The following SPRED1 variants were observed in gnomAD, a reference collection of about 807,000 sequenced individuals.
SPRED1 encodes the protein sprouty related EVH1 domain containing 1.
SPRED1 carries 18 observed loss-of-function variants against 52.3 expected under a neutral mutation model. The ratio of observed to expected loss-of-function variants is 0.34; its 90% CI spans 0.24 to 0.51. The LOEUF (loss-of-function observed/expected upper bound fraction) is 0.51, where lower values mean the gene tolerates loss of function less well. Among genes scored for constraint, SPRED1 ranks in the 20% least tolerant of loss-of-function variants. The pLI is 0.97. For missense variants in SPRED1, 485 were observed against 551.0 expected, an observed-to-expected ratio of 0.88 and a Z score of 1.20; for synonymous variants, 155 against 179.7, an observed-to-expected ratio of 0.86 and a Z score of 1.10.
chr15:38,258,352 C>T (rs1433073264), intron 1 of SPRED1, among the ~76,000 whole-genome samples: 1 of 151,958 alleles, frequency 6.6e-6, no homozygotes, highest in Non-Finnish European at 1.5e-5. Context: ...TTTCTTAAGT[C>T]GTTAAATATT....
intron 1 of SPRED1, among the ~76,000 whole-genome samples, chr15:38,295,923 TTGG>T (rs56146046): frequency 0.83 from 125,219 of 151,752 alleles, 52,417 homozygotes; most frequent in Non-Finnish European, 0.9. Context: ...ATCTGCCTTC[TTGG>T]TGGAGAGAAA....
At chr15:38,285,317 A>C (rs1165173304) in intron 1 of SPRED1, among the ~76,000 whole-genome samples, 2 of 152,242 alleles carry the variant, frequency 1.3e-5, no homozygotes, top group Non-Finnish European at 2.9e-5. Flanking sequence ...ATCACAGAAG[A>C]TAACAATGAA....
At chr15:38,334,411 G>T (rs148329759) in intron 4 of SPRED1, among the ~76,000 whole-genome samples, 1 of 151,870 alleles carries the variant, frequency 6.6e-6, no homozygotes, top group Admixed American at 6.6e-5. Context: ...AAATGTACAC[G>T]TTCTATTATT....
At chr15:38,300,854 C>G (rs750808985) in intron 2 of SPRED1, among the ~76,000 whole-genome samples, 7 of 152,168 alleles carry the variant, frequency 4.6e-5, no homozygotes, top group East Asian at 3.9e-4. Context: ...CTGGAGACAT[C>G]TAAGAAGGCG....
At chr15:38,267,152 T>C (rs1302555283) in intron 1 of SPRED1, among the ~76,000 whole-genome samples, 1 of 152,200 alleles carries the variant, frequency 6.6e-6, no homozygotes, top group Non-Finnish European at 1.5e-5. Flanking sequence ...CTTGTGTACA[T>C]ACACATATTA....
chr15:38,317,515 C>A (rs1317430522), intron 2 of SPRED1, among the ~76,000 whole-genome samples: 1 of 151,920 alleles, frequency 6.6e-6, no homozygotes, highest in Non-Finnish European at 1.5e-5. Flanking sequence ...TTATGCCAAT[C>A]TCAAATATGG....
chr15:38,305,336 A>G (rs1895230701), intron 2 of SPRED1, among the ~76,000 whole-genome samples: 1 of 70,038 alleles, frequency 1.4e-5, no homozygotes, highest in African/African-American at 3.7e-5. Context: ...GTCAAAAAAT[A>G]AAAAACAAAA....
In SPRED1 at chr15:38,312,297, T is replaced by A. The variant is rs189884716; in HGVS notation, c.208-9944T>A. Among the ~76,000 whole-genome samples, 676 of 152,194 alleles carry A rather than the reference T, an allele frequency of 4.4e-3. 3 individuals are homozygous for A. The highest frequency in any genetic ancestry group is 0.015 in the African/African-American group (629 of 41,556). ...TGAGCCCATCTCCAAATTATAGAAA[T>A]CCAGTGAGAGAAAAGAGAATTGCCT... On this transcript the variant is annotated intron_variant, in intron 2 of 6. Transcript: ENST00000299084.
At chr15:38,264,958 G>C (rs535615993) in intron 1 of SPRED1, among the ~76,000 whole-genome samples, 1 of 152,266 alleles carries the variant, frequency 6.6e-6, no homozygotes, top group Non-Finnish European at 1.5e-5. Flanking sequence ...AGAACTTTAC[G>C]TTTTTATGAG....
chr15:38,253,089 C>T lies in SPRED1; in HGVS notation c.-97C>T, dbSNP rs909953073. On this transcript the variant is annotated 5_prime_UTR_variant, in exon 1 of 7. Transcript: ENST00000299084. ...GCCCCTGTGCCGCTGCCCCCGCGCC[C>T]CCCCGGCCGCCGCTGCCTCCTGCCC... The T allele has an allele frequency of 1.8e-6, 2 of 1,082,680 alleles. No individual in the cohort carries two copies. Among genetic ancestry groups the T allele is most frequent in the African/African-American group, 3.1e-5 (2 of 63,820 alleles). 67.1% of individuals were successfully genotyped at this position (1,082,680 alleles called of 1,614,324 possible). A position where few individuals can be genotyped will look rare whatever the true frequency, so the allele number is the denominator to read the frequency against.
intron 1 of SPRED1, among the ~76,000 whole-genome samples, chr15:38,295,384 A>G (rs1185342248): frequency 6.6e-6 from 1 of 152,186 alleles, no homozygotes; most frequent in Non-Finnish European, 1.5e-5. Context: ...GCTGTACAGC[A>G]TGTTGTTGTA....
intron 2 of SPRED1, among the ~76,000 whole-genome samples, chr15:38,308,317 C>A (rs532683154): frequency 6.6e-6 from 1 of 152,314 alleles, no homozygotes; most frequent in African/African-American, 2.4e-5. Flanking sequence ...CATATCACAG[C>A]GAGGATATTT....
intron 1 of SPRED1, among the ~76,000 whole-genome samples, chr15:38,286,063 G>A (rs937595472): frequency 2.6e-5 from 4 of 151,924 alleles, no homozygotes; most frequent in African/African-American, 4.8e-5. Context: ...GGGAAACATA[G>A]TGAGGCCCTG....
At chr15:38,262,708 G>A (rs1386833786) in intron 1 of SPRED1, among the ~76,000 whole-genome samples, 30 of 152,216 alleles carry the variant, frequency 2.0e-4, no homozygotes, top group Admixed American at 1.9e-3. Flanking sequence ...GAGCATGGCA[G>A]AAGCCCCTGG....
At position 38,299,441 on chromosome 15, in the gene SPRED1, T is replaced by C. The variant is rs1282223944; in HGVS notation, c.101T>C (p.Leu34Pro). The change falls in exon 2 of 7, where the codon CTT becomes CCT. Residue 34 changes from leucine to proline, a missense_variant. This residue lies in a region of SPRED1 where 11 missense variants were observed against 31.5 expected (regional missense o/e 0.35). Coordinates refer to ENST00000299084, the MANE Select transcript of SPRED1 (RefSeq NM_152594.3). ...RDDSSGGWLP[L>P]GGSGLSSVTV... ...GACTCAAGTGGTGGATGGTTACCAC[T>C]TGGAGGGAGTGGACTAAGCAGCGTC... The C allele has an allele frequency of 6.2e-7, 1 of 1,613,880 alleles. No homozygotes were observed. Among genetic ancestry groups the C allele is most frequent in the African/African-American group, 1.3e-5 (1 of 74,900 alleles).
Position 38,355,569 on chromosome 15 carries a change from TG to T in SPRED1, c.*3906del, listed in dbSNP as rs1888600437. 1 of 152,226 alleles carries T rather than the reference TG, an allele frequency of 6.6e-6. No homozygotes were observed. The highest frequency in any genetic ancestry group is 1.5e-5 in the Non-Finnish European group (1 of 68,038). The allele number at this position is 152,226 out of a possible 1,614,324, so 9.4% of individuals were successfully genotyped here. On this transcript the variant is annotated 3_prime_UTR_variant, in exon 7 of 7. Transcript: ENST00000299084. ...TGTAAAGAATCTTAAGGATATTTCT[TG>T]TGTTGAAATTTACATTCGATTTTGT...
intron 2 of SPRED1, among the ~76,000 whole-genome samples, chr15:38,311,249 A>G (rs1267953671): frequency 2.0e-5 from 3 of 152,186 alleles, no homozygotes; most frequent in Non-Finnish European, 2.9e-5. Context: ...ATATTGAACC[A>G]GCCCTGTTTC....
intron 1 of SPRED1, among the ~76,000 whole-genome samples, chr15:38,259,588 GATGA>G (rs1894165164): frequency 1.3e-5 from 2 of 152,188 alleles, no homozygotes; most frequent in South Asian, 4.1e-4. Context: ...TCCATCTGTG[GATGA>G]ATAAGTAAAC....
chr15:38,272,669 T>C (rs1431044638), intron 1 of SPRED1, among the ~76,000 whole-genome samples: 7 of 152,202 alleles, frequency 4.6e-5, no homozygotes, highest in Non-Finnish European at 1.5e-5. Flanking sequence ...AAGTGTTCCT[T>C]TTTCTCTGCA....
Sources: gnomAD v4.1 joint callset for allele counts (sites outside exome capture counted in the v4.1 genomes callset) on GRCh38, gnomAD v4.1.1 for gene constraint, gnomAD v4.1.1 regional missense constraint, MANE v1.5 for transcripts, NCBI Gene and HGNC (gene_info 2026-07-23, HGNC 2026-07-21) for gene names.